The following ZNRF1 variants were observed in gnomAD, a reference collection of about 807,000 sequenced individuals.
The protein encoded by ZNRF1 is zinc and ring finger 1.
Under a neutral mutation model 18.4 loss-of-function variants are expected in ZNRF1, and 3 were observed. The observed-to-expected ratio is 0.16, with a 90% CI of 0.07 to 0.42. ZNRF1 has a LOEUF of 0.42. Among genes scored for constraint, ZNRF1 ranks in the 10% least tolerant of loss-of-function variants. The pLI, the probability that ZNRF1 is intolerant of heterozygous loss-of-function variation, is 0.99. For missense variants in ZNRF1, 310 were observed against 329.8 expected, an observed-to-expected ratio of 0.94 and a Z score of 0.47; for synonymous variants, 157 against 144.2, an observed-to-expected ratio of 1.09 and a Z score of -0.64.
chr16:75,094,793 C>T (rs573900215), intron 2 of ZNRF1, among the ~76,000 whole-genome samples: 1 of 152,300 alleles, frequency 6.6e-6, no homozygotes, highest in African/African-American at 2.4e-5. Context: ...GGTCTCCAAA[C>T]CATGTTCATC....
At chr16:75,002,719 C>A (rs531068067) in intron 1 of ZNRF1, among the ~76,000 whole-genome samples, 1 of 152,208 alleles carries the variant, frequency 6.6e-6, no homozygotes, top group East Asian at 1.9e-4. Flanking sequence ...GTCACCCTCA[C>A]GAGCTCCAGC....
chr16:75,027,104 C>A (rs551251985), intron 1 of ZNRF1, among the ~76,000 whole-genome samples: 1 of 151,532 alleles, frequency 6.6e-6, no homozygotes, highest in Non-Finnish European at 1.5e-5. Flanking sequence ...TGTTACATAG[C>A]TAGAAAGTGG....
At chr16:75,050,393 G>A (rs1188951951) in intron 1 of ZNRF1, among the ~76,000 whole-genome samples, 1 of 151,890 alleles carries the variant, frequency 6.6e-6, no homozygotes, top group East Asian at 1.9e-4. Context: ...GGGCGTGGTG[G>A]TGCACACCTG....
chr16:75,094,089 T>C (rs2036171445), intron 2 of ZNRF1, among the ~76,000 whole-genome samples: 1 of 152,174 alleles, frequency 6.6e-6, no homozygotes, highest in Non-Finnish European at 1.5e-5. Flanking sequence ...GTGGGGGCTG[T>C]GTGCTGGTGG....
chr16:75,095,862 A>G, intron 2 of ZNRF1: 1 of 974,476 alleles, frequency 1.0e-6, no homozygotes, highest in Non-Finnish European at 1.4e-6. Context: ...TTACCCCCCT[A>G]CACCCCACCA....
intron 2 of ZNRF1, among the ~76,000 whole-genome samples, chr16:75,102,095 G>A (rs1388475555): frequency 2.0e-5 from 3 of 152,198 alleles, no homozygotes; most frequent in Admixed American, 1.3e-4. Flanking sequence ...CTTAAGGATC[G>A]AATCGGTTCC....
chr16:75,002,059 C>T (rs1031895401), intron 1 of ZNRF1, among the ~76,000 whole-genome samples: 2 of 152,140 alleles, frequency 1.3e-5, no homozygotes, highest in South Asian at 4.1e-4. Flanking sequence ...TGCAAGACAT[C>T]GAGCATACCT....
chr16:75,068,232 C>T (rs1034664631), intron 1 of ZNRF1, among the ~76,000 whole-genome samples: 7 of 147,960 alleles, frequency 4.7e-5, no homozygotes, highest in African/African-American at 1.7e-4. Flanking sequence ...GGCATGATTG[C>T]ATGCACCTGT....
chr16:75,077,994 C>G (rs1012223841), intron 1 of ZNRF1, among the ~76,000 whole-genome samples: 1 of 152,190 alleles, frequency 6.6e-6, no homozygotes, highest in Admixed American at 6.5e-5. Flanking sequence ...GTAAGGTAAA[C>G]ATTCACAGGT....
intron 2 of ZNRF1, among the ~76,000 whole-genome samples, chr16:75,096,046 TTCTG>T (rs1172763369): frequency 7.5e-6 from 1 of 133,134 alleles, no homozygotes; most frequent in African/African-American, 2.9e-5. Flanking sequence ...GTGCATGTGT[TTCTG>T]TATGTGTGCA....
At chr16:75,021,784 A>G (rs1375889331) in intron 1 of ZNRF1, among the ~76,000 whole-genome samples, 1 of 152,082 alleles carries the variant, frequency 6.6e-6, no homozygotes, top group Non-Finnish European at 1.5e-5. Flanking sequence ...TTACTGTCAT[A>G]TGTTCCGGAT....
At chr16:75,028,354 C>T (rs1243103254) in intron 1 of ZNRF1, among the ~76,000 whole-genome samples, 2 of 152,184 alleles carry the variant, frequency 1.3e-5, no homozygotes, top group East Asian at 1.9e-4. Flanking sequence ...AGTGCAATGG[C>T]GTGATGTCGG....
intron 1 of ZNRF1, among the ~76,000 whole-genome samples, chr16:75,079,159 G>T (rs148102478): frequency 6.6e-6 from 1 of 152,100 alleles, no homozygotes; most frequent in Non-Finnish European, 1.5e-5. Flanking sequence ...CTTCTCGTTC[G>T]TGCTTTCTGT....
rs554872538 is a variant in ZNRF1 at position 75,052,120 on chromosome 16, C to T, written c.425-41452C>T. The stretch of plus-strand genomic sequence containing the variant: ...ACCCTATCAAGATAGAGAATGTGCC[C>T]GGGCGTGGTGGCTCACGCCTGTTTT... On this transcript the variant is annotated intron_variant, in intron 1 of 4. Coordinates refer to ENST00000335325, the MANE Select transcript of ZNRF1 (RefSeq NM_032268.5). Among the ~76,000 whole-genome samples the T allele has an allele frequency of 5.3e-5, 8 of 152,210 alleles. No individual in the cohort carries two copies. In the East Asian group the frequency reaches 5.8e-4, roughly 11 times the overall value.
intron 1 of ZNRF1, among the ~76,000 whole-genome samples, chr16:75,058,083 C>A (rs1159653093): frequency 6.7e-6 from 1 of 150,198 alleles, no homozygotes; most frequent in Non-Finnish European, 1.5e-5. Context: ...TGATACTTGA[C>A]CTGCCCTTTT....
intron 1 of ZNRF1, among the ~76,000 whole-genome samples, chr16:75,078,977 T>C (rs959620071): frequency 9.9e-5 from 15 of 152,238 alleles, no homozygotes; most frequent in African/African-American, 3.4e-4. Flanking sequence ...ATGTTCCTGC[T>C]ACCATGTTGG....
At chr16:75,070,304 G>C (rs2035854818) in intron 1 of ZNRF1, among the ~76,000 whole-genome samples, 1 of 152,162 alleles carries the variant, frequency 6.6e-6, no homozygotes, top group African/African-American at 2.4e-5. Context: ...CTGAATGACT[G>C]CAGTAACTCC....
At chr16:75,061,531 C>CACGTT (rs2035744369) in intron 1 of ZNRF1, among the ~76,000 whole-genome samples, 1 of 102,424 alleles carries the variant, frequency 9.8e-6, no homozygotes, top group African/African-American at 3.8e-5. Context: ...GTATATGTAC[C>CACGTT]TTCCATTCAT....
rs190037911 is a variant in ZNRF1, at chr16:75,078,737, A to G, written c.425-14835A>G. On this transcript the variant is annotated intron_variant, in intron 1 of 4. Coordinates refer to ENST00000335325, the MANE Select transcript of ZNRF1 (RefSeq NM_032268.5). ...GGTGAAAAGTCAAAATGAAGAAGGA[A>G]TTGCCCATTTATGTGGTCCTCTTCT... is the stretch of plus-strand genomic sequence containing the variant. Among the ~76,000 whole-genome samples the G allele has an allele frequency of 1.2e-4, 19 of 152,298 alleles. No homozygotes were observed. The East Asian group carries it at 3.3e-3, about 26-fold the overall frequency.
Sources: allele counts gnomAD v4.1 joint callset (sites outside exome capture counted in the v4.1 genomes callset), GRCh38; gene constraint gnomAD v4.1.1; transcripts MANE v1.5; gene names NCBI Gene and HGNC (gene_info 2026-07-23, HGNC 2026-07-21).